TYW1B: variants seen among roughly 807,000 people sequenced by gnomAD.
TYW1B encodes tRNA-yW synthesizing protein 1 homolog B, also known as S-adenosyl-L-methionine-dependent tRNA 4-demethylwyosine synthase TYW1B.
TYW1B carries 73 observed loss-of-function variants against 86.9 expected under a neutral mutation model. That is an observed-to-expected ratio of 0.84 (90% CI 0.70 to 1.02). The LOEUF is 1.02. Among genes scored for constraint, TYW1B ranks in the 50% least tolerant of loss-of-function variants. TYW1B has a pLI of 0.00. For synonymous variants in TYW1B, 248 were observed against 292.8 expected (o/e 0.85, Z 1.56); for missense variants, 637 against 827.4 (o/e 0.77, Z 2.82).
intron 11 of TYW1B, among the ~76,000 whole-genome samples, chr7:72,649,623 T>C (rs1259257020): frequency 6.6e-6 from 1 of 152,148 alleles, no homozygotes; most frequent in Non-Finnish European, 1.5e-5. Context: ...TTGGACTCCA[T>C]GTGTGCAGAA....
intron 8 of TYW1B, among the ~76,000 whole-genome samples, chr7:72,741,866 A>G (rs1787309922): frequency 6.6e-6 from 1 of 152,228 alleles, no homozygotes; most frequent in Non-Finnish European, 1.5e-5. Context: ...AAAAACTGTC[A>G]GTCTAGATTT....
chr7:72,628,681 A>G lies in TYW1B; in HGVS notation c.1617+206T>C, dbSNP rs557030434. 4.0e-3 allele frequency among the ~76,000 whole-genome samples: 612 copies of G among 152,144 alleles called. 2 individuals are homozygous for G. Among genetic ancestry groups the G allele is most frequent in the African/African-American group, 0.014 (581 of 41,502 alleles). ...CCCACTAAAATACTAGCTTTATAAG[A>G]GCAAGAGCTTGGTCTTCTTGACTGC... On this transcript the variant is annotated intron_variant, in intron 12 of 13. Coordinates refer to ENST00000620995, the MANE Select transcript of TYW1B (RefSeq NM_001145440.3).
At chr7:72,624,589 A>C (rs1352906053) in intron 12 of TYW1B, among the ~76,000 whole-genome samples, 1 of 152,192 alleles carries the variant, frequency 6.6e-6, no homozygotes, top group African/African-American at 2.4e-5. Flanking sequence ...AACTTGCTGG[A>C]CAAATGACAG....
Position 72,616,817 on chromosome 7 carries a change from C to G in TYW1B, c.1640G>C (p.Ser547Thr). The change falls in exon 13 of 14, where the codon AGT becomes ACT. Residue 547 changes from serine (S) to threonine (T), a missense_variant. Ser to Thr is a moderately conservative substitution (Grantham distance 58). Transcript: ENST00000620995. ...GGCCATGGTAAGACTGCTTGCTGAA[C>G]TTTCTCTGCAGTAGGTAACGCCCTG... is the stretch of plus-strand genomic sequence containing the variant. ...EVKGVTYCRESSASSLTMAHV... is the reference protein window; with the variant it reads ...EVKGVTYCRETSASSLTMAHV... The G allele has an allele frequency of 6.2e-7, 1 of 1,614,216 alleles. No homozygotes were observed. Among genetic ancestry groups the G allele is most frequent in the Non-Finnish European group, 8.5e-7 (1 of 1,180,052 alleles).
At chr7:72,768,148 G>A (rs1787803530) in intron 7 of TYW1B, among the ~76,000 whole-genome samples, 1 of 151,840 alleles carries the variant, frequency 6.6e-6, no homozygotes, top group Non-Finnish European at 1.5e-5. Context: ...GCTGAGGAGA[G>A]AGGATCGCTT....
intron 7 of TYW1B, among the ~76,000 whole-genome samples, chr7:72,755,077 A>G (rs1554465749): frequency 6.6e-6 from 1 of 152,140 alleles, no homozygotes; most frequent in Non-Finnish European, 1.5e-5. Context: ...AAATAAAATA[A>G]AGTGACAGGG....
At chr7:72,751,093 G>A (rs1173847551) in intron 7 of TYW1B, among the ~76,000 whole-genome samples, 10 of 150,844 alleles carry the variant, frequency 6.6e-5, no homozygotes, top group East Asian at 3.9e-4. Flanking sequence ...GCTGAAGTGC[G>A]GTGGTATGAT....
intron 11 of TYW1B, among the ~76,000 whole-genome samples, chr7:72,635,094 T>C (rs1812635085): frequency 6.6e-6 from 1 of 152,182 alleles, no homozygotes; most frequent in Admixed American, 6.5e-5. Flanking sequence ...CTTACATTTT[T>C]TTCTAAAGTT....
intron 9 of TYW1B, among the ~76,000 whole-genome samples, chr7:72,724,787 TA>T (rs1432962267): frequency 2.0e-5 from 3 of 152,206 alleles, no homozygotes; most frequent in African/African-American, 7.2e-5. Context: ...GTAAAATAGA[TA>T]TTGTATAAAT....
intron 12 of TYW1B, among the ~76,000 whole-genome samples, chr7:72,617,256 G>A (rs1812099314): frequency 1.3e-5 from 2 of 152,256 alleles, no homozygotes; most frequent in Admixed American, 1.3e-4. Flanking sequence ...CACTGACCAA[G>A]TAATTGATTC....
At chr7:72,598,559 TAGA>T (rs1184738081) in intron 13 of TYW1B, among the ~76,000 whole-genome samples, 2 of 152,254 alleles carry the variant, frequency 1.3e-5, no homozygotes, top group Non-Finnish European at 2.9e-5. Flanking sequence ...CAGGTTTATG[TAGA>T]AGAAGTTTTA....
chr7:72,763,573 C>T (rs1166227180), intron 7 of TYW1B, among the ~76,000 whole-genome samples: 1 of 152,186 alleles, frequency 6.6e-6, no homozygotes, highest in Non-Finnish European at 1.5e-5. Context: ...TAAGCCACCA[C>T]ACCCTGCCAG....
In TYW1B at chr7:72,744,604, A is replaced by G; in HGVS notation, c.965-3T>C. The G allele has an allele frequency of 1.2e-6, 2 of 1,613,706 alleles. No homozygotes were observed. The highest frequency in any genetic ancestry group is 1.7e-6 in the Non-Finnish European group (2 of 1,179,618). On this transcript the variant is annotated splice_polypyrimidine_tract_variant and splice_region_variant and intron_variant, in intron 7 of 13. Transcript: ENST00000620995. ...GCTCCTCTCCCTCGGAGCATCGACT[A>G]TGACAAGTAAACAAATCACAATTTG...
chr7:72,666,629 T>C (rs1339968929), intron 11 of TYW1B, among the ~76,000 whole-genome samples: 1 of 152,122 alleles, frequency 6.6e-6, no homozygotes, highest in Non-Finnish European at 1.5e-5. Context: ...AATCTCCTAG[T>C]TGAGAGCACC....
At chr7:72,749,864 C>T (rs1438887325) in intron 7 of TYW1B, among the ~76,000 whole-genome samples, 2 of 149,796 alleles carry the variant, frequency 1.3e-5, no homozygotes, top group East Asian at 3.9e-4. Flanking sequence ...CTGCATCCTA[C>T]AGATACGTTT....
chr7:72,826,179 T>A (rs540173470), intron 2 of TYW1B, among the ~76,000 whole-genome samples: 1 of 152,202 alleles, frequency 6.6e-6, no homozygotes, highest in Non-Finnish European at 1.5e-5. Context: ...ACATAACCAT[T>A]TGTCATCAAA....
intron 11 of TYW1B, among the ~76,000 whole-genome samples, chr7:72,692,284 T>C (rs1814188666): frequency 6.7e-6 from 1 of 148,834 alleles, no homozygotes; most frequent in South Asian, 2.1e-4. Context: ...GGCTCATGCC[T>C]ATAATCCCAA....
At position 72,799,780 on chromosome 7, in the gene TYW1B, A is replaced by T. The variant is rs201448532; in HGVS notation, c.846+2620T>A. ...GCACCTGCAGGTCTGCCTTTTTTTT[A>T]AAAGAGTTCATTGTATAGTAAAAAG... is the stretch of plus-strand genomic sequence containing the variant. On this transcript the variant is annotated intron_variant, in intron 6 of 13. Coordinates refer to ENST00000620995, the MANE Select transcript of TYW1B (RefSeq NM_001145440.3). Among the ~76,000 whole-genome samples, 36 of 152,224 alleles carry T rather than the reference A, an allele frequency of 2.4e-4. 1 individual carries two copies. The East Asian group carries it at 5.8e-3, about 24-fold the overall frequency.
At chr7:72,696,161 T>C (rs1365643976) in intron 10 of TYW1B, among the ~76,000 whole-genome samples, 1 of 152,126 alleles carries the variant, frequency 6.6e-6, no homozygotes, top group Non-Finnish European at 1.5e-5. Flanking sequence ...TTGATCAGGC[T>C]GGTCTTGAAC....
Sources: allele counts gnomAD v4.1 joint callset (sites outside exome capture counted in the v4.1 genomes callset), GRCh38; gene constraint gnomAD v4.1.1; transcripts MANE v1.5; gene names NCBI Gene and HGNC (gene_info 2026-07-23, HGNC 2026-07-21).